Variants in CDC14A observed in about 807,000 individuals in gnomAD.
CDC14A encodes the protein cell division cycle 14A.
CDC14A carries 53 observed loss-of-function variants against 74.4 expected under a neutral mutation model. The ratio of observed to expected loss-of-function variants is 0.71; its 90% CI spans 0.57 to 0.89. The LOEUF (loss-of-function observed/expected upper bound fraction) is 0.89. Among genes scored for constraint, CDC14A ranks in the 40% least tolerant of loss-of-function variants. CDC14A has a pLI of 0.00. For missense variants in CDC14A, 646 were observed against 713.7 expected (o/e 0.91, Z 1.08); for synonymous variants, 247 against 258.4 (o/e 0.96, Z 0.43).
intron 1 of CDC14A, among the ~76,000 whole-genome samples, chr1:100,353,325 T>A (rs889686337): frequency 2.6e-5 from 4 of 152,216 alleles, no homozygotes; most frequent in African/African-American, 9.7e-5. Context: ...TACTCCACCA[T>A]CGCAGGCTTC....
At chr1:100,513,005 A>G (rs1649908964) in intron 15 of CDC14A, among the ~76,000 whole-genome samples, 1 of 152,104 alleles carries the variant, frequency 6.6e-6, no homozygotes, top group Non-Finnish European at 1.5e-5. Context: ...TCACCACTAT[A>G]CAATTCATCC....
In CDC14A at chr1:100,424,236, G is replaced by C. The variant is rs756997735; in HGVS notation, c.324G>C (p.Lys108Asn). ...ATCTGTCTTAGGTAATCTATTTAAAGAAGACACCAGAAGAAGCCTACAGAG... is the reference window on the plus strand; with the variant it reads ...ATCTGTCTTAGGTAATCTATTTAAACAAGACACCAGAAGAAGCCTACAGAG... ...LIGAYAVIYL[K>N]KTPEEAYRAL... Residue 108 changes from lysine (K) to asparagine (N), a missense_variant, in exon 5 of 16, where the codon AAG (lysine) becomes AAC (asparagine). Coordinates refer to ENST00000336454, the MANE Select transcript of CDC14A (RefSeq NM_003672.4). The C allele has an allele frequency of 1.2e-6, 2 of 1,612,056 alleles. No individual in the cohort carries two copies. The highest frequency in any genetic ancestry group is 4.5e-5 in the East Asian group (2 of 44,884).
At chr1:100,507,999 T>C (rs1262549522) in intron 15 of CDC14A, among the ~76,000 whole-genome samples, 2 of 152,190 alleles carry the variant, frequency 1.3e-5, no homozygotes, top group African/African-American at 2.4e-5. Flanking sequence ...CAAACTTATA[T>C]TGGAGACTTT....
chr1:100,376,122 G>T (rs1000794468), intron 2 of CDC14A, among the ~76,000 whole-genome samples: 12 of 152,108 alleles, frequency 7.9e-5, no homozygotes, highest in Non-Finnish European at 1.8e-4. Context: ...CATGGGAAGG[G>T]GAACATCACA....
intron 3 of CDC14A, among the ~76,000 whole-genome samples, chr1:100,380,559 C>G (rs1655963554): frequency 6.6e-6 from 1 of 152,210 alleles, no homozygotes; most frequent in Non-Finnish European, 1.5e-5. Context: ...CTTTGTTACT[C>G]ACTTTGCACA....
rs139550432 is a variant in CDC14A at position 100,412,696 on chromosome 1, TTATATA to T, written c.310-11504_310-11499del. Reference sequence around the variant, plus strand: ...AAGGTGGGTGAACTTCCTGTATGTTTTATATATATATATATATATATATATATTTTA... The same window carrying T: ...AAGGTGGGTGAACTTCCTGTATGTTTTATATATATATATATATATATTTTA... On this transcript the variant is annotated intron_variant, in intron 4 of 15. Transcript: ENST00000336454. Among the ~76,000 whole-genome samples, 248 of 73,886 alleles carry T rather than the reference TTATATA, an allele frequency of 3.4e-3. 2 individuals are homozygous for T. The highest frequency in any genetic ancestry group is 0.012 in the African/African-American group (101 of 8,558). The allele number at this position is 73,886 out of a possible 152,430, so 48.5% of individuals were successfully genotyped here. A position where few individuals can be genotyped will look rare whatever the true frequency, so the allele number is the denominator to read the frequency against.
rs1358562083 is a variant in CDC14A, at chr1:100,464,284, G to C, written c.838+1403G>C. The stretch of plus-strand genomic sequence containing the variant: ...CCCCACCCTCCCCATTAGCTAGCAG[G>C]ATGGGCCCTGGCTTTGTGGGATATC... On this transcript the variant is annotated intron_variant, in intron 9 of 15. Coordinates refer to ENST00000336454, the MANE Select transcript of CDC14A (RefSeq NM_003672.4). 2.0e-5 allele frequency among the ~76,000 whole-genome samples: 3 copies of C among 152,176 alleles called. 1 individual carries two copies.
At chr1:100,517,089 C>A (rs989294163) in intron 15 of CDC14A, among the ~76,000 whole-genome samples, 4 of 152,206 alleles carry the variant, frequency 2.6e-5, no homozygotes, top group Non-Finnish European at 4.4e-5. Context: ...TCGCCCTTTG[C>A]GGTCAGGGAC....
At chr1:100,469,342 G>T (rs560683536) in intron 10 of CDC14A, among the ~76,000 whole-genome samples, 3 of 152,316 alleles carry the variant, frequency 2.0e-5, no homozygotes, top group African/African-American at 4.8e-5. Context: ...TTAAAAGAAT[G>T]ATGCAGATGT....
At chr1:100,495,139 C>G (rs1166476934) in intron 12 of CDC14A, among the ~76,000 whole-genome samples, 1 of 152,202 alleles carries the variant, frequency 6.6e-6, no homozygotes, top group Non-Finnish European at 1.5e-5. Context: ...CCATCTCAGT[C>G]TCTGGAATTC....
intron 3 of CDC14A, among the ~76,000 whole-genome samples, chr1:100,382,659 T>TA (rs1385805926): frequency 6.6e-6 from 1 of 152,224 alleles, no homozygotes; most frequent in Non-Finnish European, 1.5e-5. Flanking sequence ...TTCTTTTTTT[T>TA]AATACCTGCT....
At chr1:100,496,175 CT>C (rs1465183328) in intron 13 of CDC14A, 126 bp downstream of exon 13, 1 of 730,896 alleles carries the variant, frequency 1.4e-6, no homozygotes, top group African/African-American at 1.8e-5. Context: ...TGCTTCCTTT[CT>C]CTTCCATATT....
intron 4 of CDC14A, among the ~76,000 whole-genome samples, chr1:100,401,936 G>A (rs139993113): frequency 0.011 from 1,662 of 152,150 alleles, 27 homozygotes; most frequent in African/African-American, 0.038. Flanking sequence ...TACTCAGGAG[G>A]CTGAGGCAGG....
intron 7 of CDC14A, among the ~76,000 whole-genome samples, chr1:100,451,397 A>G (rs1412070642): frequency 6.6e-6 from 1 of 152,120 alleles, no homozygotes; most frequent in Non-Finnish European, 1.5e-5. Flanking sequence ...GCTCCACCAC[A>G]CCGTCTCCCT....
chr1:100,436,414 G>A (rs1664344314), intron 5 of CDC14A, among the ~76,000 whole-genome samples: 1 of 151,744 alleles, frequency 6.6e-6, no homozygotes, highest in South Asian at 2.1e-4. Flanking sequence ...TAATTGTGTT[G>A]GTTATCATTT....
chr1:100,384,371 A>G (rs1021222618), intron 3 of CDC14A, among the ~76,000 whole-genome samples: 3 of 152,086 alleles, frequency 2.0e-5, no homozygotes, highest in Admixed American at 6.5e-5. Flanking sequence ...CCTTTTATCT[A>G]CTATATTTTT....
intron 2 of CDC14A, among the ~76,000 whole-genome samples, chr1:100,369,422 G>A (rs1336616050): frequency 1.3e-5 from 2 of 152,136 alleles, no homozygotes; most frequent in Non-Finnish European, 2.9e-5. Flanking sequence ...TTTAATAGTA[G>A]CCATTCTGAC....
chr1:100,439,456 A>C (rs1040852820), intron 5 of CDC14A, among the ~76,000 whole-genome samples: 1 of 152,228 alleles, frequency 6.6e-6, no homozygotes, highest in African/African-American at 2.4e-5. Context: ...TTAATCAAAC[A>C]GTTCAATTCA....
chr1:100,478,062 T>C (rs1185492213), intron 10 of CDC14A, among the ~76,000 whole-genome samples: 1 of 152,210 alleles, frequency 6.6e-6, no homozygotes, highest in African/African-American at 2.4e-5. Context: ...ATTTAAACTT[T>C]TAAAGGATAT....
Sources: gnomAD v4.1 joint callset for allele counts (sites outside exome capture counted in the v4.1 genomes callset) on GRCh38, gnomAD v4.1.1 for gene constraint, MANE v1.5 for transcripts, NCBI Gene and HGNC (gene_info 2026-07-23, HGNC 2026-07-21) for gene names.